TGM2: variants seen among roughly 807,000 people sequenced by gnomAD.
TGM2 encodes transglutaminase 2, also known as protein-glutamine gamma-glutamyltransferase 2.
Under a neutral mutation model 75.6 loss-of-function variants are expected in TGM2, and 53 were observed. The ratio of observed to expected loss-of-function variants is 0.70; its 90% CI spans 0.56 to 0.88. The LOEUF is 0.88. TGM2 is among the 40% of genes least tolerant of loss of function. The pLI is 0.00. For missense variants in TGM2, 842 were observed against 928.5 expected (o/e 0.91, Z 1.21); for synonymous variants, 374 against 381.1 (o/e 0.98, Z 0.22).
chr20:38,135,324 G>A (rs1245934944), intron 10 of TGM2, among the ~76,000 whole-genome samples: 6 of 152,002 alleles, frequency 3.9e-5, no homozygotes, highest in Non-Finnish European at 7.4e-5. Flanking sequence ...ATGGGACTGG[G>A]TCTCCAATGT....
chr20:38,166,427 T>C (rs1171426640), upstream of TGM2: 1 of 152,182 alleles, frequency 6.6e-6, no homozygotes, highest in Non-Finnish European at 1.5e-5. Context: ...GCCTAGGACT[T>C]CTCGAACCTG....
intron 1 of TGM2, among the ~76,000 whole-genome samples, chr20:38,164,599 A>C (rs959587921): frequency 6.6e-6 from 1 of 152,178 alleles, no homozygotes; most frequent in East Asian, 1.9e-4. Flanking sequence ...ACCTTGTCCT[A>C]TAAAATAAGG....
chr20:38,150,869 GC>G (rs2075107375), intron 4 of TGM2, 69 bp downstream of exon 4: 3 of 1,195,306 alleles, frequency 2.5e-6, no homozygotes, highest in South Asian at 1.2e-5. Flanking sequence ...AGCTTTGGCT[GC>G]CCCCAGACAC....
rs545871501 is a variant in TGM2 at position 38,162,028 on chromosome 20, C to T, written c.11-429G>A. On this transcript the variant is annotated intron_variant, in intron 1 of 12. Transcript: ENST00000361475. The stretch of plus-strand genomic sequence containing the variant: ...TTCATTTTTGGTTTTGCCATGTTGC[C>T]CAGGCTGCTCTCGAACTCCTGGGCC... Among the ~76,000 whole-genome samples the T allele has an allele frequency of 1.9e-4, 29 of 152,246 alleles. 1 individual carries two copies. The Middle Eastern group carries it at 0.01, about 54-fold the overall frequency.
In TGM2 at chr20:38,147,991, G is replaced by A. The variant is rs45461691; in HGVS notation, c.651C>T (p.Pro217=). Residue 217 remains proline, a synonymous_variant, in exon 5 of 13, where the codon CCC becomes CCT. Coordinates refer to ENST00000361475, the MANE Select transcript of TGM2 (RefSeq NM_004613.4). ...CACTCACCACCCGGCCCACGTAGAC[G>A]GGGCTGCTGCGGCGGGAGCAGTCAC... ...AGRDCSRRSS[P]VYVGRVVSGM... The A allele has an allele frequency of 1.8e-5, 29 of 1,613,082 alleles. No individual in the cohort carries two copies. The African/African-American group carries it at 1.9e-4, about 10-fold the overall frequency.
chr20:38,163,879 TG>T, intron 1 of TGM2, among the ~76,000 whole-genome samples: 1 of 152,226 alleles, frequency 6.6e-6, no homozygotes, highest in Non-Finnish European at 1.5e-5. Context: ...CCCTGGGCTG[TG>T]GGAGCTGGGG....
At position 38,142,046 on chromosome 20, in the gene TGM2, C is replaced by T. The variant is rs765275229; in HGVS notation, c.995+18G>A. On this transcript the variant is annotated intron_variant, in intron 7 of 12. Transcript: ENST00000361475. ...CCCTCCCTACTGGGCTCCGATCCCA[C>T]CCTGGCCCCCACCTCACCAGATCAT... 5 of 1,613,962 alleles carry T rather than the reference C, an allele frequency of 3.1e-6. No individual in the cohort carries two copies. The highest frequency in any genetic ancestry group is 3.3e-5 in the Admixed American group (2 of 59,994).
Position 38,139,525 on chromosome 20 carries a change from C to T in TGM2, c.1229G>A (p.Gly410Glu), listed in dbSNP as rs781388929. ...ACGGTTGATGGATTTGTGCACAGAC[C>T]CATCGTCCTGCTGGATCCAGTCTAC... is the stretch of plus-strand genomic sequence containing the variant. Reference protein sequence around the residue: ...DVVDWIQQDDGSVHKSINRSL... With the variant: ...DVVDWIQQDDESVHKSINRSL... Residue 410 changes from glycine to glutamate, a missense_variant, in exon 9 of 13, where the codon GGG becomes GAG. Physicochemically the swap from Gly to Glu is moderately conservative, Grantham distance 98. Coordinates refer to ENST00000361475, the MANE Select transcript of TGM2 (RefSeq NM_004613.4). The T allele has an allele frequency of 6.2e-7, 1 of 1,614,060 alleles. No individual in the cohort carries two copies. The highest frequency in any genetic ancestry group is 8.5e-7 in the Non-Finnish European group (1 of 1,180,046).
rs772281859 is a variant in TGM2, at chr20:38,142,215, G to T, written c.860-16C>A. The T allele has an allele frequency of 2.5e-6, 4 of 1,614,030 alleles. No homozygotes were observed. Among genetic ancestry groups the T allele is most frequent in the Non-Finnish European group, 3.4e-6 (4 of 1,179,950 alleles). ...CACCTCAGCACTGTTGGAGAGGAGT[G>T]GAAAGCGGGGTGAGGTCCTGGAGAC... On this transcript the variant is annotated splice_polypyrimidine_tract_variant and intron_variant, in intron 6 of 12. Transcript: ENST00000361475.
Position 38,139,605 on chromosome 20 carries a change from G to A in TGM2, c.1149C>T (p.Asp383=), listed in dbSNP as rs778098181. The change falls in exon 9 of 13, where the codon GAC becomes GAT. Residue 383 remains aspartate (D), a synonymous_variant. Transcript: ENST00000361475. ...PVPVRAIKEG[D]LSTKYDAPFV... is the part of the protein sequence containing the mutation. ...AGGGCGCATCGTACTTGGTGCTCAG[G>A]TCGCCCTCCTTGATGGCACGAACTG... 5 of 1,614,088 alleles carry A rather than the reference G, an allele frequency of 3.1e-6. No individual in the cohort carries two copies. The highest frequency in any genetic ancestry group is 8.5e-7 in the Non-Finnish European group (1 of 1,180,056).
At chr20:38,136,022 C>G (rs2074896311) in intron 10 of TGM2, among the ~76,000 whole-genome samples, 1 of 152,216 alleles carries the variant, frequency 6.6e-6, no homozygotes, top group Non-Finnish European at 1.5e-5. Context: ...AGCTGAGATT[C>G]AAAGCCAGGT....
chr20:38,133,830 T>C (rs891395475), intron 10 of TGM2: 3 of 151,664 alleles, frequency 2.0e-5, no homozygotes, highest in African/African-American at 7.3e-5. Flanking sequence ...GAGGCTGAGG[T>C]GGGAGGATCG....
intron 1 of TGM2, 128 bp downstream of exon 1, chr20:38,165,061 G>C (rs1308390969): frequency 1.6e-5 from 22 of 1,362,560 alleles, no homozygotes; most frequent in Non-Finnish European, 2.3e-5. Flanking sequence ...GCATTGAGAC[G>C]CCTCCTCACC....
chr20:38,138,248 G>A lies in TGM2; in HGVS notation c.1480C>T (p.His494Tyr). The A allele has an allele frequency of 6.2e-7, 1 of 1,613,698 alleles. No individual in the cohort carries two copies. The highest frequency in any genetic ancestry group is 8.5e-7 in the Non-Finnish European group (1 of 1,179,826). The change falls in exon 10 of 13, where the codon CAC becomes TAC. Residue 494 changes from histidine (H) to tyrosine (Y), a missense_variant. Physicochemically the swap from His to Tyr is moderately conservative, Grantham distance 83. Coordinates refer to ENST00000361475, the MANE Select transcript of TGM2 (RefSeq NM_004613.4). ...NMGSDFDVFA[H>Y]ITNNTAEEYV... ...TCCTCAGCGGTGTTGTTGGTGATGT[G>A]GGCAAAGACGTCAAAGTCACTGCCC... is the stretch of plus-strand genomic sequence containing the variant.
intron 10 of TGM2, among the ~76,000 whole-genome samples, chr20:38,135,789 C>T (rs765540167): frequency 7.2e-5 from 11 of 152,248 alleles, no homozygotes; most frequent in South Asian, 4.1e-4. Context: ...CGCCTCCCCA[C>T]GCCTCTTAGC....
At chr20:38,131,683 T>A (rs1392821491) in intron 11 of TGM2, among the ~76,000 whole-genome samples, 1 of 152,168 alleles carries the variant, frequency 6.6e-6, no homozygotes, top group Non-Finnish European at 1.5e-5. Context: ...TCTGACACAC[T>A]GCTCACTGCC....
intron 10 of TGM2, among the ~76,000 whole-genome samples, chr20:38,135,371 G>T (rs2074886347): frequency 6.6e-6 from 1 of 150,716 alleles, no homozygotes; most frequent in South Asian, 2.1e-4. Context: ...ATATATCCGT[G>T]TAACAAAACC....
chr20:38,130,088 C>T lies in TGM2; in HGVS notation c.*131G>A, dbSNP rs767944248. The stretch of plus-strand genomic sequence containing the variant: ...ATGGGCCAGGGGCACATTCCATTTC[C>T]GAGAGCCCCCATAGGCTGCCCACCC... On this transcript the variant is annotated 3_prime_UTR_variant, in exon 13 of 13. Coordinates refer to ENST00000361475, the MANE Select transcript of TGM2 (RefSeq NM_004613.4). The T allele has an allele frequency of 3.5e-5, 44 of 1,262,816 alleles. No homozygotes were observed. In the South Asian group the frequency reaches 4.1e-4, roughly 12 times the overall value. 78.2% of individuals were successfully genotyped at this position (1,262,816 alleles called of 1,614,324 possible).
Position 38,159,171 on chromosome 20 carries a change from T to C in TGM2, c.190+2249A>G, listed in dbSNP as rs560610799. Reference sequence around the variant, plus strand: ...ACCTAACACTACGCTGCCCAGACAATTGGAGAAGGAGAAATAAGAAAGGGG... The same window carrying C: ...ACCTAACACTACGCTGCCCAGACAACTGGAGAAGGAGAAATAAGAAAGGGG... On this transcript the variant is annotated intron_variant, in intron 2 of 12. Coordinates refer to ENST00000361475, the MANE Select transcript of TGM2 (RefSeq NM_004613.4). 2.6e-5 allele frequency among the ~76,000 whole-genome samples: 4 copies of C among 151,646 alleles called. No individual in the cohort carries two copies. The East Asian group carries it at 7.7e-4, about 29-fold the overall frequency.
Sources: allele counts gnomAD v4.1 joint callset (sites outside exome capture counted in the v4.1 genomes callset), GRCh38; gene constraint gnomAD v4.1.1; transcripts MANE v1.5; gene names NCBI Gene and HGNC (gene_info 2026-07-23, HGNC 2026-07-21).